The following LRBA variants were observed in gnomAD, a reference collection of about 807,000 sequenced individuals.
LRBA encodes LPS responsive beige-like anchor protein.
A neutral mutation model predicts 330.0 loss-of-function variants in LRBA; 176 were observed. That is an observed-to-expected ratio of 0.53 (90% CI 0.47 to 0.60). The LOEUF (loss-of-function observed/expected upper bound fraction) is 0.60, where lower values mean the gene tolerates loss of function less well. LRBA is among the 20% of genes least tolerant of loss of function. The probability of loss-of-function intolerance (pLI) is 0.00; values close to 1 mark genes in which losing one functional copy is unlikely to be tolerated. For missense variants in LRBA, 3,259 were observed against 3,444.8 expected, an observed-to-expected ratio of 0.95 and a Z score of 1.35; for synonymous variants, 1,230 against 1,193.0, an observed-to-expected ratio of 1.03 and a Z score of -0.64.
At position 150,688,922 on chromosome 4, in the gene LRBA, C is replaced by A. The variant is rs369642291; in HGVS notation, c.5755-5205G>T. ...GTGGCAATTTCTCAAGGATCTAGAA[C>A]TAGAAATACCATTTGACCCAGCAAT... On this transcript the variant is annotated intron_variant, in intron 36 of 56. Transcript: ENST00000651943. Among the ~76,000 whole-genome samples the A allele has an allele frequency of 7.2e-5, 11 of 152,260 alleles. No individual in the cohort carries two copies. The East Asian group carries it at 1.5e-3, about 21-fold the overall frequency.
intron 40 of LRBA, among the ~76,000 whole-genome samples, chr4:150,559,914 A>ATC (rs1439766573): frequency 0.042 from 2,924 of 69,348 alleles, 71 homozygotes; most frequent in East Asian, 0.11. Flanking sequence ...ATTATATATA[A>ATC]TATATAAATA....
chr4:150,859,175 T>C (rs557317207), intron 22 of LRBA, among the ~76,000 whole-genome samples: 1 of 152,290 alleles, frequency 6.6e-6, no homozygotes, highest in South Asian at 2.1e-4. Context: ...ATCCTCAAAT[T>C]CACTATTTAG....
intron 2 of LRBA, among the ~76,000 whole-genome samples, chr4:150,966,933 G>C (rs1332722315): frequency 6.6e-6 from 1 of 152,142 alleles, no homozygotes; most frequent in Non-Finnish European, 1.5e-5. Context: ...CCCAGGCTGA[G>C]GCCCAGAGAC....
intron 38 of LRBA, 100 bp downstream of exon 38, chr4:150,598,907 T>C (rs1445069952): frequency 7.2e-7 from 1 of 1,381,948 alleles, no homozygotes; most frequent in Non-Finnish European, 1.0e-6. Context: ...TAAAATGTGG[T>C]GTTGGACCAT....
At chr4:150,412,013 T>C (rs1747081846) in intron 47 of LRBA, among the ~76,000 whole-genome samples, 1 of 152,190 alleles carries the variant, frequency 6.6e-6, no homozygotes, top group Non-Finnish European at 1.5e-5. Context: ...ATATAGACTA[T>C]ATTGTAAGGA....
At chr4:151,006,907 C>A (rs1744131049) in intron 2 of LRBA, among the ~76,000 whole-genome samples, 1 of 152,104 alleles carries the variant, frequency 6.6e-6, no homozygotes, top group South Asian at 2.1e-4. Flanking sequence ...CTCATGATAG[C>A]TAGTAAAATC....
At chr4:150,367,592 C>A (rs910523585) in intron 47 of LRBA, among the ~76,000 whole-genome samples, 19 of 152,182 alleles carry the variant, frequency 1.2e-4, no homozygotes, top group African/African-American at 4.6e-4. Context: ...TGTAACTTAG[C>A]AAATGTTTAT....
intron 46 of LRBA, chr4:150,423,737 C>T (rs572765752): frequency 2.1e-5 from 4 of 186,482 alleles, no homozygotes; most frequent in East Asian, 1.8e-4. Flanking sequence ...CTCAGCGCCA[C>T]GGCACACGTG....
intron 53 of LRBA, among the ~76,000 whole-genome samples, chr4:150,294,868 T>C (rs909580525): frequency 6.6e-6 from 1 of 152,122 alleles, no homozygotes; most frequent in African/African-American, 2.4e-5. Flanking sequence ...GGAGAATTGC[T>C]TGAACCTGGG....
chr4:150,634,009 G>T (rs1354072678), intron 37 of LRBA, among the ~76,000 whole-genome samples: 1 of 152,114 alleles, frequency 6.6e-6, no homozygotes, highest in Non-Finnish European at 1.5e-5. Context: ...CAGTTACTCG[G>T]ATGGCTGAGC....
intron 47 of LRBA, among the ~76,000 whole-genome samples, chr4:150,404,989 T>G (rs1745988271): frequency 6.6e-6 from 1 of 152,110 alleles, no homozygotes; most frequent in Non-Finnish European, 1.5e-5. Flanking sequence ...TCAAAGCAAC[T>G]GAAGGCCAAG....
At chr4:150,325,394 T>A (rs997009693) in intron 49 of LRBA, among the ~76,000 whole-genome samples, 3 of 152,210 alleles carry the variant, frequency 2.0e-5, no homozygotes, top group Non-Finnish European at 4.4e-5. Context: ...CAATATCTTA[T>A]GTATTAGAAT....
At chr4:150,372,495 G>A (rs1389364285) in intron 47 of LRBA, among the ~76,000 whole-genome samples, 1 of 148,032 alleles carries the variant, frequency 6.8e-6, no homozygotes, top group Non-Finnish European at 1.5e-5. Flanking sequence ...CAGCTAGTAG[G>A]GAGGCTGTGA....
chr4:150,336,184 T>G (rs1047521794), intron 48 of LRBA, among the ~76,000 whole-genome samples: 2 of 152,182 alleles, frequency 1.3e-5, no homozygotes, highest in African/African-American at 4.8e-5. Flanking sequence ...CCGTACCCAA[T>G]AGTTATCTTT....
intron 38 of LRBA, among the ~76,000 whole-genome samples, chr4:150,593,281 T>C (rs1004240657): frequency 1.3e-5 from 2 of 152,194 alleles, no homozygotes; most frequent in Non-Finnish European, 2.9e-5. Flanking sequence ...GCAGAAATAA[T>C]AATAAGGCTA....
At chr4:150,688,609 A>G (rs1342612339) in intron 36 of LRBA, among the ~76,000 whole-genome samples, 1 of 152,212 alleles carries the variant, frequency 6.6e-6, no homozygotes, top group African/African-American at 2.4e-5. Flanking sequence ...AATTTACAAG[A>G]AAGAAACAAT....
intron 40 of LRBA, among the ~76,000 whole-genome samples, chr4:150,548,156 C>A (rs929797052): frequency 3.9e-5 from 6 of 152,092 alleles, no homozygotes; most frequent in African/African-American, 2.4e-5. Flanking sequence ...AGTAAAAATA[C>A]ATTTCGTTCT....
intron 40 of LRBA, among the ~76,000 whole-genome samples, chr4:150,557,145 G>A (rs1158164559): frequency 6.6e-6 from 1 of 152,060 alleles, no homozygotes; most frequent in Non-Finnish European, 1.5e-5. Context: ...AAGTGCTCAA[G>A]AAAATGAAGG....
chr4:150,928,734 C>G, intron 3 of LRBA, 100 bp downstream of exon 3: 1 of 1,282,900 alleles, frequency 7.8e-7, no homozygotes, highest in South Asian at 1.3e-5. Flanking sequence ...GCTACATGCT[C>G]AAATATTTCT....
Sources: gnomAD v4.1 joint callset for allele counts (sites outside exome capture counted in the v4.1 genomes callset) on GRCh38, gnomAD v4.1.1 for gene constraint, MANE v1.5 for transcripts, NCBI Gene and HGNC (gene_info 2026-07-23, HGNC 2026-07-21) for gene names.